ASIC2: variants seen among roughly 807,000 people sequenced by gnomAD.
ASIC2 encodes the protein acid-sensing ion channel 2.
ASIC2 carries 25 observed loss-of-function variants against 57.3 expected under a neutral mutation model. The observed-to-expected ratio is 0.44, with a 90% CI of 0.32 to 0.61. ASIC2 has a LOEUF of 0.61. ASIC2 is among the 20% of genes least tolerant of loss of function. The pLI, the probability that ASIC2 is intolerant of heterozygous loss-of-function variation, is 0.06. For missense variants in ASIC2, 641 were observed against 738.1 expected (o/e 0.87, Z 1.52); for synonymous variants, 319 against 307.5 (o/e 1.04, Z -0.39).
chr17:33,468,993 G>A (rs1912952378), intron 1 of ASIC2, among the ~76,000 whole-genome samples: 1 of 152,182 alleles, frequency 6.6e-6, no homozygotes, highest in Non-Finnish European at 1.5e-5. Context: ...GGTAGTTTAC[G>A]GAAAGAGCCT....
intron 1 of ASIC2, among the ~76,000 whole-genome samples, chr17:33,175,810 G>A (rs1015973263): frequency 7.9e-5 from 12 of 152,124 alleles, no homozygotes; most frequent in Middle Eastern, 3.4e-3. Context: ...CAATCTCGGC[G>A]CTCTCTTCTT....
chr17:34,145,913 A>C (rs1034436689), intron 1 of ASIC2, among the ~76,000 whole-genome samples: 3 of 152,228 alleles, frequency 2.0e-5, no homozygotes, highest in African/African-American at 7.2e-5. Flanking sequence ...GCTGATGCAC[A>C]TTCAGGAAGA....
intron 2 of ASIC2, among the ~76,000 whole-genome samples, chr17:33,108,859 G>A (rs1200518053): frequency 6.6e-6 from 1 of 152,144 alleles, no homozygotes; most frequent in Admixed American, 6.5e-5. Context: ...GGGATTGCCA[G>A]GAATATGGAA....
intron 1 of ASIC2, among the ~76,000 whole-genome samples, chr17:33,281,129 C>A (rs1904927765): frequency 6.6e-6 from 1 of 152,144 alleles, no homozygotes; most frequent in Non-Finnish European, 1.5e-5. Flanking sequence ...TTCCCAGTGA[C>A]CTGCGGTGTG....
At chr17:33,180,087 A>AT (rs1905918521) in intron 1 of ASIC2, among the ~76,000 whole-genome samples, 1 of 152,222 alleles carries the variant, frequency 6.6e-6, no homozygotes, top group South Asian at 2.1e-4. Flanking sequence ...TCATCCAAGG[A>AT]TAAAAACAAC....
At chr17:33,035,270 T>C (rs1000964414) in intron 3 of ASIC2, among the ~76,000 whole-genome samples, 3 of 152,220 alleles carry the variant, frequency 2.0e-5, no homozygotes, top group Non-Finnish European at 4.4e-5. Flanking sequence ...AGTTGCTGTT[T>C]TCTAATTCTA....
intron 1 of ASIC2, among the ~76,000 whole-genome samples, chr17:33,337,720 G>A (rs1054360553): frequency 1.1e-4 from 17 of 151,886 alleles, no homozygotes; most frequent in Admixed American, 1.3e-4. Flanking sequence ...GAGGGTGGAA[G>A]TGTTCCTTCT....
chr17:33,739,897 A>T (rs4283267), intron 1 of ASIC2, among the ~76,000 whole-genome samples: 79,307 of 141,150 alleles, frequency 0.56, 22,828 homozygotes, highest in East Asian at 0.68. Context: ...AAAGAAAAGA[A>T]AAAAGAGAAA....
At chr17:33,447,091 C>T (rs1013006368) in intron 1 of ASIC2, among the ~76,000 whole-genome samples, 1 of 152,176 alleles carries the variant, frequency 6.6e-6, no homozygotes, top group Non-Finnish European at 1.5e-5. Context: ...TTGGATTAGC[C>T]ACAGAATGAG....
intron 3 of ASIC2, among the ~76,000 whole-genome samples, chr17:33,066,931 G>A (rs1225912723): frequency 6.6e-6 from 1 of 152,190 alleles, no homozygotes; most frequent in African/African-American, 2.4e-5. Flanking sequence ...TTACAGGGCA[G>A]TAAGTAGTAC....
At chr17:33,598,064 G>T (rs930098660) in intron 1 of ASIC2, among the ~76,000 whole-genome samples, 2 of 152,242 alleles carry the variant, frequency 1.3e-5, no homozygotes, top group East Asian at 3.9e-4. Context: ...TAAAAAAGAA[G>T]AAACCACAAT....
At chr17:33,868,570 C>T (rs375507747) in intron 1 of ASIC2, among the ~76,000 whole-genome samples, 1 of 152,046 alleles carries the variant, frequency 6.6e-6, no homozygotes, top group East Asian at 1.9e-4. Context: ...TATGGCACTA[C>T]AAGTACAAGG....
At chr17:33,336,128 G>C (rs1220229578) in intron 1 of ASIC2, among the ~76,000 whole-genome samples, 1 of 151,970 alleles carries the variant, frequency 6.6e-6, no homozygotes, top group African/African-American at 2.4e-5. Flanking sequence ...TGCTTGTTCT[G>C]CTTGGGACTT....
At chr17:33,643,127 A>G (rs1906630012) in intron 1 of ASIC2, among the ~76,000 whole-genome samples, 1 of 143,670 alleles carries the variant, frequency 7.0e-6, no homozygotes, top group East Asian at 2.0e-4. Context: ...GATGTATTTT[A>G]TCATTCTCAC....
intron 1 of ASIC2, among the ~76,000 whole-genome samples, chr17:33,330,133 C>T (rs185588624): frequency 2.8e-4 from 43 of 152,270 alleles, no homozygotes; most frequent in South Asian, 1.5e-3. Flanking sequence ...ATCAGATGAT[C>T]TCTAAATTTG....
intron 1 of ASIC2, among the ~76,000 whole-genome samples, chr17:33,951,545 T>C (rs1313887361): frequency 6.6e-6 from 1 of 152,096 alleles, no homozygotes; most frequent in Non-Finnish European, 1.5e-5. Context: ...CTATACGCTA[T>C]ACCTATTCTT....
In ASIC2 at chr17:33,291,621, G is replaced by A. The variant is rs1905455016; in HGVS notation, c.495C>T (p.Arg165=). ...GHWLGLLLPN[R]TARPLVSELL... is the part of the protein sequence containing the mutation. ...GCTCGCTGACAAGCGGGCGCGCGGT[G>A]CGGTTGGGCAGCAGCAGCCCGAGCC... The change falls in exon 1 of 10, where the codon CGC becomes CGT. Residue 165 remains arginine, a synonymous_variant. Transcript: ENST00000225823. The A allele has an allele frequency of 3.1e-6, 5 of 1,608,768 alleles. No individual in the cohort carries two copies. The highest frequency in any genetic ancestry group is 3.4e-6 in the Non-Finnish European group (4 of 1,178,144).
intron 1 of ASIC2, among the ~76,000 whole-genome samples, chr17:33,855,762 G>T (rs986235014): frequency 1.5e-4 from 23 of 152,170 alleles, no homozygotes; most frequent in African/African-American, 5.3e-4. Context: ...CTGACCTAAG[G>T]GAAGAGATGA....
At chr17:33,637,740 T>G (rs1220879145) in intron 1 of ASIC2, among the ~76,000 whole-genome samples, 1 of 152,226 alleles carries the variant, frequency 6.6e-6, no homozygotes, top group Non-Finnish European at 1.5e-5. Context: ...ACCTGACTGG[T>G]ACTTCCTGCC....
Sources: allele counts gnomAD v4.1 joint callset (sites outside exome capture counted in the v4.1 genomes callset), GRCh38; gene constraint gnomAD v4.1.1; transcripts MANE v1.5; gene names NCBI Gene and HGNC (gene_info 2026-07-23, HGNC 2026-07-21).